Variants in ZFYVE28 observed in about 807,000 individuals in gnomAD.
ZFYVE28 encodes zinc finger FYVE-type containing 28.
In ZFYVE28, 40 loss-of-function variants were observed where a neutral mutation model predicts 82.1. That is an observed-to-expected ratio of 0.49 (90% confidence interval 0.38 to 0.63). The LOEUF (loss-of-function observed/expected upper bound fraction) is 0.63, where lower values mean the gene tolerates loss of function less well. Among genes scored for constraint, ZFYVE28 ranks in the 30% least tolerant of loss-of-function variants. ZFYVE28 has a pLI of 0.00. For synonymous variants in ZFYVE28, 612 were observed against 546.1 expected (o/e 1.12, Z -1.68); for missense variants, 1,321 against 1,242.1 (o/e 1.06, Z -0.96).
At chr4:2,294,407 T>C (rs1396113524) in intron 8 of ZFYVE28, among the ~76,000 whole-genome samples, 1 of 152,184 alleles carries the variant, frequency 6.6e-6, no homozygotes, top group Non-Finnish European at 1.5e-5. Context: ...AAAACAAAAA[T>C]TGATCCATGC....
chr4:2,401,055 A>G (rs1278989617), intron 1 of ZFYVE28, among the ~76,000 whole-genome samples: 1 of 152,166 alleles, frequency 6.6e-6, no homozygotes, highest in Non-Finnish European at 1.5e-5. Context: ...ACACCCTGAG[A>G]ATGTCCCCAG....
intron 1 of ZFYVE28, among the ~76,000 whole-genome samples, chr4:2,359,864 C>G (rs1243546602): frequency 6.6e-6 from 1 of 152,114 alleles, no homozygotes; most frequent in East Asian, 1.9e-4. Context: ...AAGGTAAAAC[C>G]TCAAATCTGT....
At chr4:2,398,919 CAGGGCACAAGCGGGGGCAAGATCG>C (rs1266641754) in intron 1 of ZFYVE28, among the ~76,000 whole-genome samples, 48 of 87,666 alleles carry the variant, frequency 5.5e-4, no homozygotes, top group Non-Finnish European at 7.5e-4. Flanking sequence ...AGCTGAGATC[CAGGGCACAAGCGGGGGCAAGATCG>C]AGGGCACAAG....
chr4:2,371,707 C>A (rs1028425412), intron 1 of ZFYVE28, among the ~76,000 whole-genome samples: 1 of 152,312 alleles, frequency 6.6e-6, no homozygotes, highest in East Asian at 1.9e-4. Context: ...CTCCCTTCAA[C>A]AATAGCAGGC....
intron 9 of ZFYVE28, 66 bp from the exon 10 acceptor site, chr4:2,273,355 C>T (rs900359092): frequency 4.8e-6 from 7 of 1,457,928 alleles, no homozygotes; most frequent in African/African-American, 4.2e-5. Context: ...GAGGTCGGTG[C>T]TGCGGGCTGG....
intron 1 of ZFYVE28, among the ~76,000 whole-genome samples, chr4:2,375,382 G>A (rs61790690): frequency 0.17 from 26,587 of 152,182 alleles, 2,513 homozygotes; most frequent in Middle Eastern, 0.29. Context: ...AGGAGGCCCC[G>A]GTACCTCCCC....
At chr4:2,288,764 G>C (rs1019773925) in intron 8 of ZFYVE28, among the ~76,000 whole-genome samples, 1 of 152,172 alleles carries the variant, frequency 6.6e-6, no homozygotes, top group African/African-American at 2.4e-5. Flanking sequence ...GATCATTTGA[G>C]TCCAGGAGTT....
chr4:2,407,113 C>T (rs1187373100), intron 1 of ZFYVE28, among the ~76,000 whole-genome samples: 3 of 110,630 alleles, frequency 2.7e-5, no homozygotes, highest in African/African-American at 8.5e-5. Flanking sequence ...CCCTCCCCGA[C>T]TCCTGGGCCC....
intron 1 of ZFYVE28, among the ~76,000 whole-genome samples, chr4:2,383,861 A>ACACT (rs1430219130): frequency 6.6e-6 from 1 of 152,162 alleles, no homozygotes; most frequent in Non-Finnish European, 1.5e-5. Context: ...TGTGTTACAG[A>ACACT]CACTCGCTCT....
At chr4:2,294,331 C>T (rs149350781) in intron 8 of ZFYVE28, among the ~76,000 whole-genome samples, 63 of 152,234 alleles carry the variant, frequency 4.1e-4, no homozygotes, top group African/African-American at 1.5e-3. Context: ...AATGCAAAGG[C>T]AATTCAGTGG....
intron 7 of ZFYVE28, among the ~76,000 whole-genome samples, chr4:2,310,140 G>A (rs938477145): frequency 2.0e-5 from 3 of 152,068 alleles, no homozygotes; most frequent in African/African-American, 7.2e-5. Flanking sequence ...CCTGGCTCAA[G>A]CAGTCATCCC....
chr4:2,360,915 C>A (rs1726059765), intron 1 of ZFYVE28, among the ~76,000 whole-genome samples: 2 of 152,144 alleles, frequency 1.3e-5, no homozygotes, highest in South Asian at 4.1e-4. Flanking sequence ...TTTGAATCCA[C>A]CAGCTTTATT....
At chr4:2,296,883 G>A (rs887655375) in intron 8 of ZFYVE28, among the ~76,000 whole-genome samples, 1 of 152,186 alleles carries the variant, frequency 6.6e-6, no homozygotes, top group Non-Finnish European at 1.5e-5. Context: ...CCTTCTACCT[G>A]GAGGCTGCCT....
intron 8 of ZFYVE28, among the ~76,000 whole-genome samples, chr4:2,289,772 G>A (rs1276459645): frequency 2.0e-5 from 3 of 152,148 alleles, no homozygotes; most frequent in Non-Finnish European, 2.9e-5. Context: ...CAGCCTGCGG[G>A]GGCCTGTGCA....
At position 2,416,345 on chromosome 4, in the gene ZFYVE28, GGCCTCTTCCACA is replaced by G. The variant is rs1733031699; in HGVS notation, c.39+1928_39+1939del. ...ATTAGAAGGGTGATCCCCCAAATGC[GGCCTCTTCCACA>G]GCCACGTCCGGAGGGGCATCCCCTA... On this transcript the variant is annotated intron_variant, in intron 1 of 12. Transcript: ENST00000290974. The surrounding 1 kb of genome is among the most constrained non-coding windows in gnomAD (Gnocchi z 4.6). 1.3e-5 allele frequency among the ~76,000 whole-genome samples: 2 copies of G among 152,190 alleles called. No individual in the cohort carries two copies. Among genetic ancestry groups the G allele is most frequent in the African/African-American group, 4.8e-5 (2 of 41,492 alleles).
At chr4:2,312,780 C>T (rs1286978631) in intron 7 of ZFYVE28, among the ~76,000 whole-genome samples, 2 of 148,382 alleles carry the variant, frequency 1.3e-5, no homozygotes, top group Non-Finnish European at 3.0e-5. Context: ...TACAGTGGCT[C>T]ACACCTATAA....
intron 1 of ZFYVE28, among the ~76,000 whole-genome samples, chr4:2,392,115 T>C (rs1437923007): frequency 9.3e-5 from 14 of 151,318 alleles, no homozygotes; most frequent in African/African-American, 3.2e-4. Context: ...GATTGCATCA[T>C]TGCACTCCAT....
In ZFYVE28 at chr4:2,408,269, A is replaced by C. The variant is rs74572025; in HGVS notation, c.39+10016T>G. ...GAGTGCTCCCAAGAACATCCTACCA[A>C]GCCAGCATTTCCCTGCATCCCCACA... is the stretch of plus-strand genomic sequence containing the variant. On this transcript the variant is annotated intron_variant, in intron 1 of 12. Coordinates refer to ENST00000290974, the MANE Select transcript of ZFYVE28 (RefSeq NM_020972.3). This position sits in a 1 kb window ranked among gnomAD's most constrained non-coding sequence, Gnocchi z 4.3. Among the ~76,000 whole-genome samples, 4,285 of 152,076 alleles carry C rather than the reference A, an allele frequency of 0.028. 215 individuals are homozygous for C. The highest frequency in any genetic ancestry group is 0.098 in the African/African-American group (4,067 of 41,482).
intron 7 of ZFYVE28, among the ~76,000 whole-genome samples, chr4:2,306,456 T>C (rs537604667): frequency 2.0e-5 from 3 of 152,334 alleles, no homozygotes; most frequent in African/African-American, 7.2e-5. Flanking sequence ...CATGACACCA[T>C]CCTGACTCCA....
Sources: allele counts gnomAD v4.1 joint callset (sites outside exome capture counted in the v4.1 genomes callset), GRCh38; gene constraint gnomAD v4.1.1; non-coding constraint Gnocchi (gnomAD v3.1); transcripts MANE v1.5; gene names NCBI Gene and HGNC (gene_info 2026-07-23, HGNC 2026-07-21).